TIMP2: variants seen among roughly 807,000 people sequenced by gnomAD.
TIMP2 encodes the protein metalloproteinase inhibitor 2.
Under a neutral mutation model 24.3 loss-of-function variants are expected in TIMP2, and 5 were observed. The observed-to-expected ratio is 0.21, with a 90% CI of 0.11 to 0.43. The LOEUF (loss-of-function observed/expected upper bound fraction) is 0.43. Among genes scored for constraint, TIMP2 ranks in the 20% least tolerant of loss-of-function variants. TIMP2 has a pLI of 1.00. For missense variants in TIMP2, 221 were observed against 297.5 expected, an observed-to-expected ratio of 0.74 and a Z score of 1.89; for synonymous variants, 130 against 123.2, an observed-to-expected ratio of 1.06 and a Z score of -0.37.
intron 1 of TIMP2, among the ~76,000 whole-genome samples, chr17:78,912,931 AC>A (rs753091728): frequency 6.6e-6 from 1 of 152,182 alleles, no homozygotes; most frequent in Non-Finnish European, 1.5e-5. Flanking sequence ...TAGGCCAGGC[AC>A]CGTGGCACAA....
At chr17:78,860,706 A>G (rs527354745) in intron 3 of TIMP2, among the ~76,000 whole-genome samples, 32 of 152,326 alleles carry the variant, frequency 2.1e-4, no homozygotes, top group African/African-American at 7.5e-4. Flanking sequence ...TCCAAATCCT[A>G]TAACTTCATA....
Position 78,924,881 on chromosome 17 carries a change from C to G in TIMP2, c.130+78G>C. Reference sequence around the variant, plus strand: ...CTGGGGTCCCTCGGCCAGCGGCGGGCGGGCGGGGCGTCTGCGAACCCTCGG... The same window carrying G: ...CTGGGGTCCCTCGGCCAGCGGCGGGGGGGCGGGGCGTCTGCGAACCCTCGG... On this transcript the variant is annotated intron_variant, in intron 1 of 4. Coordinates refer to ENST00000262768, the MANE Select transcript of TIMP2 (RefSeq NM_003255.5). This position sits in a 1 kb window ranked among gnomAD's most constrained non-coding sequence, Gnocchi z 5.3. The G allele has an allele frequency of 1.2e-6, 1 of 862,066 alleles. No individual in the cohort carries two copies. Among genetic ancestry groups the G allele is most frequent in the Non-Finnish European group, 1.4e-6 (1 of 709,618 alleles). The allele number at this position is 862,066 out of a possible 1,614,324, so 53.4% of individuals were successfully genotyped here.
intron 1 of TIMP2, among the ~76,000 whole-genome samples, chr17:78,909,472 AC>A (rs1051209048): frequency 1.5e-5 from 2 of 137,276 alleles, no homozygotes; most frequent in African/African-American, 2.7e-5. Context: ...CCCACGAATG[AC>A]CCCCCCACCC....
chr17:78,923,241 C>T (rs1014125338), intron 1 of TIMP2, among the ~76,000 whole-genome samples: 11 of 151,964 alleles, frequency 7.2e-5, no homozygotes, highest in African/African-American at 1.9e-4. Flanking sequence ...GCGGGAGGCA[C>T]GCACTGCAGC....
At chr17:78,915,302 A>G (rs1187758307) in intron 1 of TIMP2, among the ~76,000 whole-genome samples, 6 of 152,062 alleles carry the variant, frequency 3.9e-5, no homozygotes, top group Admixed American at 3.9e-4. Flanking sequence ...CGGCAGGGAG[A>G]AAGATTAATT....
At chr17:78,895,439 T>C (rs1568001927) in intron 1 of TIMP2, among the ~76,000 whole-genome samples, 1 of 151,712 alleles carries the variant, frequency 6.6e-6, no homozygotes, top group Non-Finnish European at 1.5e-5. Flanking sequence ...CCACCTCACA[T>C]CCACTCCAAC....
Position 78,853,305 on chromosome 17 carries a change from A to ATAT in TIMP2, c.*2361_*2362insATA, listed in dbSNP as rs1347179771. ...GCTTGCAGGATGAAAATAGGAGAAG[A>ATAT]GAGCTGTGCTTAGAACATAACATAT... is the stretch of plus-strand genomic sequence containing the variant. On this transcript the variant is annotated 3_prime_UTR_variant, in exon 5 of 5. Coordinates refer to ENST00000262768, the MANE Select transcript of TIMP2 (RefSeq NM_003255.5). 319 of 152,788 alleles carry ATAT rather than the reference A, an allele frequency of 2.1e-3. 3 individuals carry two copies. The highest frequency in any genetic ancestry group is 6.2e-4 in the Non-Finnish European group (42 of 68,036). 9.5% of individuals were successfully genotyped at this position (152,788 alleles called of 1,614,324 possible).
chr17:78,878,789 T>A (rs938670914), intron 1 of TIMP2, among the ~76,000 whole-genome samples: 1 of 152,058 alleles, frequency 6.6e-6, no homozygotes, highest in Admixed American at 6.5e-5. Flanking sequence ...GGCATCTCCA[T>A]CTCCCCTGGG....
rs1351191013 is a variant in TIMP2 at position 78,891,841 on chromosome 17, C to T, written c.131-17922G>A. 3.9e-6 allele frequency: 6 copies of T among 1,550,628 alleles called. No individual in the cohort carries two copies. The African/African-American group carries it at 4.1e-5, about 11-fold the overall frequency. The stretch of plus-strand genomic sequence containing the variant: ...AAGGTTCTGGCCTTCCCTTTCTCTT[C>T]TCAGGCGGGGCCAGGTGAGAATTCA... On this transcript the variant is annotated intron_variant, in intron 1 of 4. Coordinates refer to ENST00000262768, the MANE Select transcript of TIMP2 (RefSeq NM_003255.5). The surrounding 1 kb of genome is among the most constrained non-coding windows in gnomAD (Gnocchi z 4.5).
intron 3 of TIMP2, among the ~76,000 whole-genome samples, chr17:78,861,664 G>A (rs937420196): frequency 2.0e-5 from 3 of 150,844 alleles, no homozygotes; most frequent in Admixed American, 6.6e-5. Context: ...GTGCAGCGGT[G>A]CCATCTCGAC....
At chr17:78,922,749 G>T (rs1450817077) in intron 1 of TIMP2, among the ~76,000 whole-genome samples, 1 of 152,178 alleles carries the variant, frequency 6.6e-6, no homozygotes, top group African/African-American at 2.4e-5. Context: ...AACCCAGGAG[G>T]CGGAGGCTGC....
intron 1 of TIMP2, among the ~76,000 whole-genome samples, chr17:78,917,831 G>C (rs1179699996): frequency 6.6e-6 from 1 of 152,174 alleles, no homozygotes; most frequent in African/African-American, 2.4e-5. Flanking sequence ...AGCGGATCCT[G>C]GCTGCCCAGG....
intron 1 of TIMP2, chr17:78,922,330 C>T (rs1294640956): frequency 1.3e-5 from 2 of 152,190 alleles, no homozygotes; most frequent in Non-Finnish European, 2.9e-5. Context: ...GTTGGTTGAG[C>T]ACGGAAAGGG....
chr17:78,887,117 T>A (rs2069831338), intron 1 of TIMP2, among the ~76,000 whole-genome samples: 2 of 151,510 alleles, frequency 1.3e-5, no homozygotes, highest in Admixed American at 1.3e-4. Context: ...AACAAAAGAG[T>A]CTTGTGGGAT....
intron 1 of TIMP2, chr17:78,904,108 T>TGTGTGTGTGTGTGTGTGTGTGTGTGTG (rs71161635): frequency 2.7e-4 from 40 of 150,722 alleles, no homozygotes; most frequent in Middle Eastern, 3.4e-3. Flanking sequence ...TGTGTGTGTG[T>TGTGTGTGTGTGTGTGTGTGTGTGTGTG]TTTAGCAGAG....
At chr17:78,878,333 CA>C (rs1387942218) in intron 1 of TIMP2, among the ~76,000 whole-genome samples, 7 of 152,216 alleles carry the variant, frequency 4.6e-5, no homozygotes, top group Non-Finnish European at 8.8e-5. Flanking sequence ...ACGATGACAA[CA>C]GTCTTGACAC....
At chr17:78,892,983 C>A (rs1457657921) in intron 1 of TIMP2, among the ~76,000 whole-genome samples, 5 of 152,090 alleles carry the variant, frequency 3.3e-5, no homozygotes, top group Non-Finnish European at 7.4e-5. Flanking sequence ...AAGAGGAAGT[C>A]TGGGCCTCTG....
intron 3 of TIMP2, 127 bp downstream of exon 3, chr17:78,870,771 C>A: frequency 1.5e-6 from 1 of 689,228 alleles, no homozygotes. Context: ...GCTCCGTACC[C>A]TGCCTCACTG....
In TIMP2 at chr17:78,854,927, G is replaced by GC. The variant is rs1567989517; in HGVS notation, c.*739_*740insG. 7.8e-6 allele frequency: 1 copy of GC among 127,920 alleles called. No homozygotes were observed. The highest frequency in any genetic ancestry group is 2.8e-5 in the African/African-American group (1 of 35,434). The allele number at this position is 127,920 out of a possible 1,614,324, so 7.9% of individuals were successfully genotyped here. A position where few individuals can be genotyped will look rare whatever the true frequency, so the allele number is the denominator to read the frequency against. ...AAGCTGGGGAGCATGTGGGCGGGGG[G>GC]GGGGGGGTGGGGGGGTGGGTGCAGA... On this transcript the variant is annotated 3_prime_UTR_variant, in exon 5 of 5. Coordinates refer to ENST00000262768, the MANE Select transcript of TIMP2 (RefSeq NM_003255.5).
Sources: gnomAD v4.1 joint callset for allele counts (sites outside exome capture counted in the v4.1 genomes callset) on GRCh38, gnomAD v4.1.1 for gene constraint, Gnocchi (gnomAD v3.1) non-coding constraint, MANE v1.5 for transcripts, NCBI Gene and HGNC (gene_info 2026-07-23, HGNC 2026-07-21) for gene names.